The following CDKAL1 variants were observed in gnomAD, a reference collection of about 807,000 sequenced individuals.
The protein encoded by CDKAL1 is CDKAL1 threonylcarbamoyladenosine tRNA methylthiotransferase, also known as threonylcarbamoyladenosine tRNA methylthiotransferase.
A neutral mutation model predicts 68.2 loss-of-function variants in CDKAL1; 32 were observed. The ratio of observed to expected loss-of-function variants is 0.47; its 90% CI spans 0.35 to 0.63. The LOEUF is 0.63. Ranked by LOEUF, CDKAL1 falls within the 30% of genes least tolerant of loss-of-function variation. The probability of loss-of-function intolerance (pLI) is 0.00; values close to 1 mark genes in which losing one functional copy is unlikely to be tolerated. For missense variants in CDKAL1, 606 were observed against 696.7 expected, an observed-to-expected ratio of 0.87 and a Z score of 1.47; for synonymous variants, 234 against 244.3, an observed-to-expected ratio of 0.96 and a Z score of 0.39.
chr6:21,040,438 A>G (rs1239022106), intron 11 of CDKAL1, among the ~76,000 whole-genome samples: 1 of 152,182 alleles, frequency 6.6e-6, no homozygotes, highest in African/African-American at 2.4e-5. Context: ...GAGATTAACT[A>G]TATATTTTTG....
At chr6:20,929,795 T>G (rs1442307330) in intron 9 of CDKAL1, among the ~76,000 whole-genome samples, 1 of 152,138 alleles carries the variant, frequency 6.6e-6, no homozygotes, top group Non-Finnish European at 1.5e-5. Context: ...CTCCTTTTAA[T>G]TCCCATCAGC....
chr6:20,929,275 G>A (rs1763320618), intron 9 of CDKAL1, among the ~76,000 whole-genome samples: 1 of 152,086 alleles, frequency 6.6e-6, no homozygotes, highest in Non-Finnish European at 1.5e-5. Context: ...AGTTTTTTTG[G>A]GGACTACTCC....
At chr6:20,562,614 C>T (rs1476521832) in intron 4 of CDKAL1, among the ~76,000 whole-genome samples, 1 of 151,798 alleles carries the variant, frequency 6.6e-6, no homozygotes, top group Non-Finnish European at 1.5e-5. Flanking sequence ...TGGTGGTGGG[C>T]GCCTGTAATC....
chr6:21,075,672 A>C (rs1772033799), intron 12 of CDKAL1, among the ~76,000 whole-genome samples: 1 of 152,184 alleles, frequency 6.6e-6, no homozygotes, highest in Non-Finnish European at 1.5e-5. Context: ...CAGATTTGCA[A>C]GTTCATATTT....
intron 12 of CDKAL1, among the ~76,000 whole-genome samples, chr6:21,077,865 T>C (rs1772160938): frequency 6.6e-6 from 1 of 152,160 alleles, no homozygotes; most frequent in Non-Finnish European, 1.5e-5. Flanking sequence ...TGGGGAGGTT[T>C]TCATGGATTA....
intron 13 of CDKAL1, among the ~76,000 whole-genome samples, chr6:21,123,921 A>G (rs1342322295): frequency 6.6e-6 from 1 of 152,248 alleles, no homozygotes; most frequent in African/African-American, 2.4e-5. Context: ...AGTGCCCCCC[A>G]AAGGTCAGCA....
chr6:20,812,872 A>G (rs1309171405), intron 8 of CDKAL1, among the ~76,000 whole-genome samples: 2 of 152,148 alleles, frequency 1.3e-5, no homozygotes, highest in Non-Finnish European at 2.9e-5. Flanking sequence ...TTCTGTGGAC[A>G]TATGCTCCCA....
intron 10 of CDKAL1, among the ~76,000 whole-genome samples, chr6:20,981,263 G>A (rs755216263): frequency 1.3e-4 from 20 of 152,078 alleles, no homozygotes; most frequent in Non-Finnish European, 2.6e-4. Flanking sequence ...TTAATGAGTC[G>A]TTTTGAATGT....
At chr6:20,559,005 C>T (rs966588581) in intron 4 of CDKAL1, 1 of 152,932 alleles carries the variant, frequency 6.5e-6, no homozygotes, top group Non-Finnish European at 1.5e-5. Context: ...TTTTTCTGAT[C>T]TCTACATTCT....
chr6:20,785,366 A>G (rs1341889743), intron 8 of CDKAL1, among the ~76,000 whole-genome samples: 2 of 136,020 alleles, frequency 1.5e-5, no homozygotes, highest in Admixed American at 8.3e-5. Context: ...CCCAGGCTGG[A>G]GTGCAGTGGC....
chr6:20,830,892 A>C (rs1360208801), intron 8 of CDKAL1, among the ~76,000 whole-genome samples: 1 of 151,852 alleles, frequency 6.6e-6, no homozygotes, highest in Admixed American at 6.6e-5. Context: ...TAAAATGAAA[A>C]GGTTGAACTA....
chr6:20,744,558 A>C (rs1387332332), intron 6 of CDKAL1, among the ~76,000 whole-genome samples: 1 of 152,132 alleles, frequency 6.6e-6, no homozygotes, highest in Non-Finnish European at 1.5e-5. Context: ...TTCCTGGAGA[A>C]TCTAGTGAGA....
At chr6:21,000,172 A>G in intron 10 of CDKAL1, 55 bp from the exon 11 acceptor site, 1 of 1,466,460 alleles carries the variant, frequency 6.8e-7, no homozygotes, top group Non-Finnish European at 9.5e-7. Flanking sequence ...ATGTGAGGAA[A>G]ACCATTCCAC....
intron 12 of CDKAL1, among the ~76,000 whole-genome samples, chr6:21,079,389 C>T (rs1357089218): frequency 6.6e-6 from 1 of 152,034 alleles, no homozygotes; most frequent in Non-Finnish European, 1.5e-5. Context: ...ATCAGAAAGC[C>T]CATTGAGAAG....
chr6:20,740,757 C>T (rs1773419664), intron 6 of CDKAL1, among the ~76,000 whole-genome samples: 1 of 152,132 alleles, frequency 6.6e-6, no homozygotes, highest in Non-Finnish European at 1.5e-5. Context: ...TTTGAACAAA[C>T]ATTCTCACTT....
intron 13 of CDKAL1, among the ~76,000 whole-genome samples, chr6:21,195,473 TTTTTTTTATTTATTTATTTATTTATTTA>T (rs1425169571): frequency 3.0e-4 from 36 of 118,084 alleles, no homozygotes; most frequent in Non-Finnish European, 6.0e-4. Context: ...TCTGGAGATG[TTTTTTTTATTTATTTATTTATTTATTTA>T]TTTATTTATT....
chr6:20,839,002 A>C (rs1778070056), intron 8 of CDKAL1, among the ~76,000 whole-genome samples: 1 of 152,062 alleles, frequency 6.6e-6, no homozygotes, highest in African/African-American at 2.4e-5. Context: ...TCTAACTGGA[A>C]TGATCACTGC....
chr6:20,893,039 C>T (rs1217430970), intron 9 of CDKAL1, among the ~76,000 whole-genome samples: 1 of 152,132 alleles, frequency 6.6e-6, no homozygotes, highest in African/African-American at 2.4e-5. Context: ...CCTGCCTTAC[C>T]TCAGGTAAGT....
chr6:21,140,511 C>G (rs577389873), intron 13 of CDKAL1, among the ~76,000 whole-genome samples: 1 of 152,068 alleles, frequency 6.6e-6, no homozygotes, highest in African/African-American at 2.4e-5. Flanking sequence ...AGAGACTTGC[C>G]CACTTTCTGA....
Sources: gnomAD v4.1 joint callset for allele counts (sites outside exome capture counted in the v4.1 genomes callset) on GRCh38, gnomAD v4.1.1 for gene constraint, MANE v1.5 for transcripts, NCBI Gene and HGNC (gene_info 2026-07-23, HGNC 2026-07-21) for gene names.